The following CLEC10A variants were observed in gnomAD, a reference collection of about 807,000 sequenced individuals.
CLEC10A encodes the protein C-type lectin domain family 10 member A.
In CLEC10A, 38 loss-of-function variants were observed where a neutral mutation model predicts 42.0. That is an observed-to-expected ratio of 0.90 (90% confidence interval 0.70 to 1.18). The LOEUF (loss-of-function observed/expected upper bound fraction) is 1.18, where lower values mean the gene tolerates loss of function less well. Ranked by LOEUF, CLEC10A falls within the 50% of genes most tolerant of loss-of-function variation. The pLI is 0.00. For missense variants in CLEC10A, 298 were observed against 345.9 expected (o/e 0.86, Z 1.10); for synonymous variants, 126 against 139.9 (o/e 0.90, Z 0.70).
chr17:7,075,323 C>T (rs752798672), intron 8 of CLEC10A, 37 bp downstream of exon 8: 104 of 1,506,140 alleles, frequency 6.9e-5, no homozygotes, highest in East Asian at 6.1e-4. Flanking sequence ...GAAACGCTGA[C>T]GGAGGACATT....
At chr17:7,079,532 G>A (rs1250593308) in intron 1 of CLEC10A, among the ~76,000 whole-genome samples, 4 of 151,828 alleles carry the variant, frequency 2.6e-5, no homozygotes, top group Admixed American at 1.3e-4. Context: ...GCAGTGAGCC[G>A]AGGTTGTGCC....
chr17:7,076,252 CCT>C lies in CLEC10A; in HGVS notation c.353-183_353-182del, dbSNP rs1470527045. 1.7e-4 allele frequency: 182 copies of C among 1,069,800 alleles called. No individual in the cohort carries two copies. The East Asian group carries it at 3.3e-3, about 20-fold the overall frequency. The allele number at this position is 1,069,800 out of a possible 1,614,324, so 66.3% of individuals were successfully genotyped here. A position where few individuals can be genotyped will look rare whatever the true frequency, so the allele number is the denominator to read the frequency against. ...CAAATCTGCTTTGGATTCCTCTGCC[CCT>C]GTTTCTCCAGCCTGCTCTCCAGAGA... On this transcript the variant is annotated intron_variant, in intron 5 of 8. Coordinates refer to ENST00000416562, the MANE Select transcript of CLEC10A (RefSeq NM_001330070.2).
intron 2 of CLEC10A, 136 bp from the exon 3 acceptor site, chr17:7,078,249 G>C (rs1911974604): frequency 1.6e-6 from 1 of 627,068 alleles, no homozygotes; most frequent in Admixed American, 2.9e-5. Flanking sequence ...GGAGGATTTT[G>C]GGGTGGGGGA....
chr17:7,076,012 A>C lies in CLEC10A; in HGVS notation c.412T>G (p.Cys138Gly). Residue 138 changes from cysteine to glycine, a missense_variant, in exon 6 of 9, where the codon TGC becomes GGC. Around this residue, in one of 3 missense-constraint regions of CLEC10A, gnomAD observed 267 missense variants for 289.5 expected, o/e 0.92. Transcript: ENST00000416562. ...TTGTTGTTGAGAGTAGCCACCTGGC[A>C]GGTCAGTTTCTTCAGGTCTTGCACC... is the stretch of plus-strand genomic sequence containing the variant. ...QLVQDLKKLT[C>G]QVATLNNNAS... The C allele has an allele frequency of 6.2e-7, 1 of 1,614,214 alleles. No homozygotes were observed. Among genetic ancestry groups the C allele is most frequent in the Non-Finnish European group, 8.5e-7 (1 of 1,180,032 alleles).
chr17:7,077,283 C>CA (rs1911824170), intron 3 of CLEC10A, among the ~76,000 whole-genome samples: 1 of 140,808 alleles, frequency 7.1e-6, no homozygotes, highest in Admixed American at 7.1e-5. Context: ...ATCAGTGCCC[C>CA]CCCACCATTC....
At position 7,076,891 on chromosome 17, in the gene CLEC10A, C is replaced by T; in HGVS notation, c.280+1G>A. On this transcript the variant is annotated splice_donor_variant, in intron 4 of 8. Coordinates refer to ENST00000416562, the MANE Select transcript of CLEC10A (RefSeq NM_001330070.2). LOFTEE classifies it high-confidence loss of function. ...CAGAGCCCCATCCAAACCAGACTCACCCTGGGAAGTCAGTGCCTGGATCTC... is the reference window on the plus strand; with the variant it reads ...CAGAGCCCCATCCAAACCAGACTCATCCTGGGAAGTCAGTGCCTGGATCTC... The T allele has an allele frequency of 6.2e-7, 1 of 1,613,980 alleles. No individual in the cohort carries two copies. The highest frequency in any genetic ancestry group is 8.5e-7 in the Non-Finnish European group (1 of 1,179,938).
In CLEC10A at chr17:7,075,385, C is replaced by A; in HGVS notation, c.676G>T (p.Gly226Ter). 6.6e-7 allele frequency: 1 copy of A among 1,520,360 alleles called. No individual in the cohort carries two copies. The highest frequency in any genetic ancestry group is 2.3e-5 in the East Asian group (1 of 44,084). The allele number at this position is 1,520,360 out of a possible 1,614,324, so 94.2% of individuals were successfully genotyped here. Residue 226 changes from glycine (G) to a stop codon, truncating the protein, a stop_gained, in exon 8 of 9, where the codon GGA becomes TGA. Transcript: ENST00000416562. LOFTEE classifies it high-confidence loss of function. Reference sequence around the variant, plus strand: ...TGGAAGCCGGTCGCATAGTCTGTTCCATCCACCCACTTCCAGGCTCCTTCA... The same window carrying A: ...TGGAAGCCGGTCGCATAGTCTGTTCAATCCACCCACTTCCAGGCTCCTTCA... ...DPEGAWKWVD[G>*]TDYATGFQNW...
In CLEC10A at chr17:7,078,081, G is replaced by A; in HGVS notation, c.100C>T (p.Leu34Phe). 3 of 1,613,844 alleles carry A rather than the reference G, an allele frequency of 1.9e-6. No homozygotes were observed. Among genetic ancestry groups the A allele is most frequent in the Non-Finnish European group, 2.5e-6 (3 of 1,179,826 alleles). Residue 34 changes from leucine (L) to phenylalanine (F), a missense_variant, in exon 3 of 9, where the codon CTC becomes TTC. Coordinates refer to ENST00000416562, the MANE Select transcript of CLEC10A (RefSeq NM_001330070.2). ...AGGAGATGGCAGGGCCCAGAGCAGA[G>A]ACGCTGCAGGAGGGACTGGAGAGGA... ...PLPLQSLLQR[L>F]CSGPCHLLLS...
At chr17:7,076,159 AG>A (rs1911728830) in intron 5 of CLEC10A, 88 bp from the exon 6 acceptor site, 2 of 1,613,140 alleles carry the variant, frequency 1.2e-6, no homozygotes, top group Non-Finnish European at 1.7e-6. Flanking sequence ...ACCCCTGCAC[AG>A]GGCCAAGCCA....
chr17:7,075,230 G>A lies in CLEC10A; in HGVS notation c.702-8C>T. 6.6e-7 allele frequency: 1 copy of A among 1,526,610 alleles called. No individual in the cohort carries two copies. The allele number at this position is 1,526,610 out of a possible 1,614,324, so 94.6% of individuals were successfully genotyped here. A position where few individuals can be genotyped will look rare whatever the true frequency, so the allele number is the denominator to read the frequency against. On this transcript the variant is annotated splice_polypyrimidine_tract_variant and splice_region_variant and intron_variant, in intron 8 of 8. Coordinates refer to ENST00000416562, the MANE Select transcript of CLEC10A (RefSeq NM_001330070.2). ...TGGCCTGGCTTCCAGTTCCTGAGAG[G>A]AAAAGACAACAGCAAGCTAGGAAGG...
rs764504573 is a variant in CLEC10A, at chr17:7,075,043, C to T, written c.*11G>A. 8.4e-6 allele frequency: 13 copies of T among 1,547,070 alleles called. No homozygotes were observed. The highest frequency in any genetic ancestry group is 4.5e-5 in the Admixed American group (2 of 44,718). On this transcript the variant is annotated 3_prime_UTR_variant, in exon 9 of 9. Coordinates refer to ENST00000416562, the MANE Select transcript of CLEC10A (RefSeq NM_001330070.2). ...CCATTTCTGTGGCCGGGTGGTCCCA[C>T]CAAAGGCAGCTCAGTGACTCTCCTG...
chr17:7,075,029 G>T lies in CLEC10A; in HGVS notation c.*25C>A. The T allele has an allele frequency of 6.6e-7, 1 of 1,522,282 alleles. No homozygotes were observed. Among genetic ancestry groups the T allele is most frequent in the South Asian group, 1.3e-5 (1 of 77,540 alleles). 94.3% of individuals were successfully genotyped at this position (1,522,282 alleles called of 1,614,324 possible). On this transcript the variant is annotated 3_prime_UTR_variant, in exon 9 of 9. Coordinates refer to ENST00000416562, the MANE Select transcript of CLEC10A (RefSeq NM_001330070.2). ...TCCTCCTCCCACCGCCATTTCTGTG[G>T]CCGGGTGGTCCCACCAAAGGCAGCT...
Position 7,076,040 on chromosome 17 carries a change from C to T in CLEC10A, c.384G>A (p.Gln128=), listed in dbSNP as rs1384806084. 6.2e-7 allele frequency: 1 copy of T among 1,614,110 alleles called. No individual in the cohort carries two copies. The highest frequency in any genetic ancestry group is 1.3e-5 in the African/African-American group (1 of 74,926). ...TCAGTTTCTTCAGGTCTTGCACCAGCTGCTGGACTCGCAGGAGCATTTCAG... is the reference window on the plus strand; with the variant it reads ...TCAGTTTCTTCAGGTCTTGCACCAGTTGCTGGACTCGCAGGAGCATTTCAG... The part of the protein sequence containing the change: ...VHSEMLLRVQ[Q]LVQDLKKLTC... Residue 128 remains glutamine, a synonymous_variant, in exon 6 of 9, where the codon CAG becomes CAA. Transcript: ENST00000416562.
At chr17:7,075,909 G>GA (rs1911703348) in intron 6 of CLEC10A, 24 bp from the exon 7 acceptor site, 1 of 1,596,554 alleles carries the variant, frequency 6.3e-7, no homozygotes, top group South Asian at 1.1e-5. Flanking sequence ...AATAGGATAG[G>GA]GTGGAGAGGC....
chr17:7,075,524 A>C (rs772267288), intron 7 of CLEC10A, 58 bp from the exon 8 acceptor site: 5 of 1,457,534 alleles, frequency 3.4e-6, no homozygotes, highest in Non-Finnish European at 4.7e-6. Flanking sequence ...TCCTTAAACT[A>C]GTGATTCTCA....
intron 2 of CLEC10A, chr17:7,078,524 C>A: frequency 1.7e-6 from 1 of 581,266 alleles, no homozygotes; most frequent in East Asian, 2.8e-5. Flanking sequence ...CTCTCATCCC[C>A]ACCCCACAGA....
rs1235082203 is a variant in CLEC10A, at chr17:7,075,388, C to T, written c.673G>A (p.Asp225Asn). The change falls in exon 8 of 9, where the codon GAT becomes AAT. Residue 225 changes from aspartate (D) to asparagine (N), a missense_variant. Coordinates refer to ENST00000416562, the MANE Select transcript of CLEC10A (RefSeq NM_001330070.2). ...SDPEGAWKWVDGTDYATGFQN... is the reference protein window; with the variant it reads ...SDPEGAWKWVNGTDYATGFQN... ...AAGCCGGTCGCATAGTCTGTTCCAT[C>T]CACCCACTTCCAGGCTCCTTCAGGG... 6.6e-7 allele frequency: 1 copy of T among 1,520,348 alleles called. No homozygotes were observed. Among genetic ancestry groups the T allele is most frequent in the East Asian group, 2.3e-5 (1 of 44,080 alleles). The allele number at this position is 1,520,348 out of a possible 1,614,324, so 94.2% of individuals were successfully genotyped here. A position where few individuals can be genotyped will look rare whatever the true frequency, so the allele number is the denominator to read the frequency against.
At position 7,076,716 on chromosome 17, in the gene CLEC10A, C is replaced by T. The variant is rs1427424017; in HGVS notation, c.352+17G>A. 1.2e-6 allele frequency: 2 copies of T among 1,613,542 alleles called. No homozygotes were observed. The highest frequency in any genetic ancestry group is 3.3e-5 in the Admixed American group (2 of 59,968). On this transcript the variant is annotated intron_variant, in intron 5 of 8. Transcript: ENST00000416562. ...GAGCGCCTAGCCCCCCACACCCATA[C>T]TCGGAGGGTCTCTCACCTGCCTGCC...
intron 1 of CLEC10A, among the ~76,000 whole-genome samples, chr17:7,079,387 G>A (rs1377869914): frequency 7.2e-5 from 11 of 151,902 alleles, no homozygotes; most frequent in African/African-American, 1.2e-4. Flanking sequence ...GTTTGAGACC[G>A]GCCTGGCCAA....
Sources: allele counts gnomAD v4.1 joint callset (sites outside exome capture counted in the v4.1 genomes callset), GRCh38; gene constraint gnomAD v4.1.1; regional missense constraint gnomAD v4.1.1; transcripts MANE v1.5; gene names NCBI Gene and HGNC (gene_info 2026-07-23, HGNC 2026-07-21).